The following GPR107 variants were observed in gnomAD, a reference collection of about 807,000 sequenced individuals.
GPR107 encodes protein GPR107.
GPR107 carries 31 observed loss-of-function variants against 75.5 expected under a neutral mutation model. The observed-to-expected ratio is 0.41, with a 90% CI of 0.31 to 0.55. The LOEUF is 0.55. Ranked by LOEUF, GPR107 falls within the 20% of genes least tolerant of loss-of-function variation. GPR107 has a pLI of 0.26. For missense variants in GPR107, 572 were observed against 665.7 expected, an observed-to-expected ratio of 0.86 and a Z score of 1.55; for synonymous variants, 267 against 251.3, an observed-to-expected ratio of 1.06 and a Z score of -0.59.
intron 12 of GPR107, among the ~76,000 whole-genome samples, chr9:130,102,857 C>CTA (rs1444752632): frequency 1.3e-5 from 2 of 152,192 alleles, no homozygotes; most frequent in African/African-American, 4.8e-5. Context: ...GATCATGGCT[C>CTA]ACTGCAGCCC....
chr9:130,085,507 T>C (rs1589500047), intron 6 of GPR107, among the ~76,000 whole-genome samples: 1 of 152,160 alleles, frequency 6.6e-6, no homozygotes, highest in East Asian at 1.9e-4. Context: ...CTTTGACTTA[T>C]CAATCAAGGT....
At chr9:130,122,043 A>AC (rs1263609666) in intron 14 of GPR107, among the ~76,000 whole-genome samples, 1 of 151,984 alleles carries the variant, frequency 6.6e-6, no homozygotes, top group Non-Finnish European at 1.5e-5. Context: ...GGCATCCGCC[A>AC]CCATGCCCGG....
At chr9:130,065,247 C>G (rs1304089733) in intron 1 of GPR107, among the ~76,000 whole-genome samples, 1 of 150,500 alleles carries the variant, frequency 6.6e-6, no homozygotes, top group Non-Finnish European at 1.5e-5. Flanking sequence ...GTCAGGAGTT[C>G]GAGACCAGCC....
chr9:130,082,105 C>T (rs989202226), intron 5 of GPR107, among the ~76,000 whole-genome samples: 12 of 152,050 alleles, frequency 7.9e-5, no homozygotes, highest in Admixed American at 1.3e-4. Flanking sequence ...TGCCTGAACT[C>T]GGAGCAAGAA....
At chr9:130,063,316 G>A (rs1381600247) in intron 1 of GPR107, among the ~76,000 whole-genome samples, 4 of 151,646 alleles carry the variant, frequency 2.6e-5, no homozygotes, top group Admixed American at 6.6e-5. Flanking sequence ...TCAGCCTCCC[G>A]AGTAGCTGGG....
intron 1 of GPR107, 23 bp downstream of exon 1, chr9:130,054,096 C>CG (rs1277213032): frequency 4.0e-6 from 6 of 1,516,388 alleles, no homozygotes; most frequent in Non-Finnish European, 8.8e-7. Flanking sequence ...AAGGCCGGGC[C>CG]GGGGGGCGGA....
intron 17 of GPR107, among the ~76,000 whole-genome samples, chr9:130,133,722 T>C (rs367945362): frequency 1.3e-5 from 2 of 152,240 alleles, no homozygotes; most frequent in Admixed American, 6.5e-5. Flanking sequence ...GAGTCACTTA[T>C]AGCATCTATG....
rs782018349 is a variant in GPR107, at chr9:130,135,133, C to T, written c.*12C>T. On this transcript the variant is annotated 3_prime_UTR_variant, in exon 18 of 18. Coordinates refer to ENST00000347136, the MANE Select transcript of GPR107 (RefSeq NM_020960.5). ...AAGGCGCCGTGTGACAGAGCCGACCCTGAGGATGGCACTGTCCAAGGAAAC... is the reference window on the plus strand; with the variant it reads ...AAGGCGCCGTGTGACAGAGCCGACCTTGAGGATGGCACTGTCCAAGGAAAC... 14 of 1,472,202 alleles carry T rather than the reference C, an allele frequency of 9.5e-6. No homozygotes were observed. In the East Asian group the frequency reaches 3.2e-4, roughly 33 times the overall value. The allele number at this position is 1,472,202 out of a possible 1,614,324, so 91.2% of individuals were successfully genotyped here.
rs1045580176 is a variant in GPR107 at position 130,112,123 on chromosome 9, C to T, written c.1306+4584C>T. Among the ~76,000 whole-genome samples the T allele has an allele frequency of 6.6e-6, 1 of 152,226 alleles. No homozygotes were observed. Among genetic ancestry groups the T allele is most frequent in the Non-Finnish European group, 1.5e-5 (1 of 68,044 alleles). On this transcript the variant is annotated intron_variant, in intron 14 of 17. Coordinates refer to ENST00000347136, the MANE Select transcript of GPR107 (RefSeq NM_020960.5). The surrounding 1 kb of genome is among the most constrained non-coding windows in gnomAD (Gnocchi z 4.0). ...AATTTAATTAACAGTCTCTGCTGCT[C>T]ACCATCCTTTTTTTGGGCCTTGTGT...
chr9:130,114,029 C>CTTTTTTTTTTTTTTTTTTTTTTTTTTTTT (rs60616601), intron 14 of GPR107, among the ~76,000 whole-genome samples: 2 of 90,660 alleles, frequency 2.2e-5, no homozygotes, highest in African/African-American at 4.4e-5. Context: ...TCTTCTCATT[C>CTTTTTTTTTTTTTTTTTTTTTTTTTTTTT]TTTTTTTTTT....
intron 17 of GPR107, among the ~76,000 whole-genome samples, chr9:130,134,691 A>C (rs1183540498): frequency 6.6e-6 from 1 of 152,274 alleles, no homozygotes; most frequent in Non-Finnish European, 1.5e-5. Flanking sequence ...TAACTATCAC[A>C]TATCTGTGCG....
chr9:130,112,378 G>C lies in GPR107; in HGVS notation c.1306+4839G>C, dbSNP rs1831329360. ...AACTATTTTCATAATCATACGGTGTGAGTCTCTTGTGCTGTTGACATTTGC... is the reference window on the plus strand; with the variant it reads ...AACTATTTTCATAATCATACGGTGTCAGTCTCTTGTGCTGTTGACATTTGC... On this transcript the variant is annotated intron_variant, in intron 14 of 17. Transcript: ENST00000347136. The surrounding 1 kb of genome is among the most constrained non-coding windows in gnomAD (Gnocchi z 4.0). 6.6e-6 allele frequency among the ~76,000 whole-genome samples: 1 copy of C among 152,202 alleles called. No individual in the cohort carries two copies. Among genetic ancestry groups the C allele is most frequent in the Non-Finnish European group, 1.5e-5 (1 of 68,034 alleles).
chr9:130,087,263 C>A (rs932371963), intron 7 of GPR107, among the ~76,000 whole-genome samples: 3 of 152,016 alleles, frequency 2.0e-5, no homozygotes, highest in Non-Finnish European at 4.4e-5. Flanking sequence ...GTCTTGAACT[C>A]CTGGGATCAA....
At chr9:130,109,830 A>G (rs952253509) in intron 14 of GPR107, among the ~76,000 whole-genome samples, 1 of 152,190 alleles carries the variant, frequency 6.6e-6, no homozygotes, top group Non-Finnish European at 1.5e-5. Context: ...CGGCCTCCCA[A>G]AGTGCTGGGA....
intron 11 of GPR107, 133 bp downstream of exon 11, chr9:130,100,835 G>A (rs1831010670): frequency 2.8e-6 from 2 of 707,192 alleles, no homozygotes; most frequent in South Asian, 3.2e-5. Flanking sequence ...CATACCAGAG[G>A]AGTGTAGCTC....
At chr9:130,083,452 TTTAA>T in intron 5 of GPR107, 109 bp from the exon 6 acceptor site, 1 of 547,990 alleles carries the variant, frequency 1.8e-6, no homozygotes, top group Non-Finnish European at 3.0e-6. Context: ...GATTATTTTG[TTTAA>T]TTATTTGATA....
rs369135797 is a variant in GPR107 at position 130,091,010 on chromosome 9, C to T, written c.729+27C>T. Reference sequence around the variant, plus strand: ...TGAGTACTGTTTGGAGATTGTTCTACGTGGATTTTGTCAGCATAAAACGGG... The same window carrying T: ...TGAGTACTGTTTGGAGATTGTTCTATGTGGATTTTGTCAGCATAAAACGGG... On this transcript the variant is annotated intron_variant, in intron 8 of 17. Coordinates refer to ENST00000347136, the MANE Select transcript of GPR107 (RefSeq NM_020960.5). 3.0e-5 allele frequency: 28 copies of T among 932,496 alleles called. 1 individual carries two copies. Among genetic ancestry groups the T allele is most frequent in the Admixed American group, 5.5e-5 (3 of 54,170 alleles). The allele number at this position is 932,496 out of a possible 1,614,324, so 57.8% of individuals were successfully genotyped here.
chr9:130,068,791 G>A (rs2069174473), intron 1 of GPR107, among the ~76,000 whole-genome samples: 1 of 151,422 alleles, frequency 6.6e-6, no homozygotes, highest in Non-Finnish European at 1.5e-5. Flanking sequence ...ACCCAGGCTG[G>A]AGTGCTGTGG....
At chr9:130,064,761 T>C (rs1830029407) in intron 1 of GPR107, among the ~76,000 whole-genome samples, 1 of 152,052 alleles carries the variant, frequency 6.6e-6, no homozygotes, top group Admixed American at 6.6e-5. Context: ...CAGGTGCCAT[T>C]ATAACAAGTG....
Sources: gnomAD v4.1 joint callset for allele counts (sites outside exome capture counted in the v4.1 genomes callset) on GRCh38, gnomAD v4.1.1 for gene constraint, Gnocchi (gnomAD v3.1) non-coding constraint, MANE v1.5 for transcripts, NCBI Gene and HGNC (gene_info 2026-07-23, HGNC 2026-07-21) for gene names.